The following RBFOX1 variants were observed in gnomAD, a reference collection of about 807,000 sequenced individuals.
RBFOX1 encodes RNA binding fox-1 homolog 1, also known as RNA binding protein fox-1 homolog 1.
A neutral mutation model predicts 57.7 loss-of-function variants in RBFOX1; 8 were observed. The ratio of observed to expected loss-of-function variants is 0.14; its 90% CI spans 0.08 to 0.25. RBFOX1 has a LOEUF of 0.25. Ranked by LOEUF, RBFOX1 falls within the 10% of genes least tolerant of loss-of-function variation. The pLI is 1.00. For missense variants in RBFOX1, 611 were observed against 548.5 expected, an observed-to-expected ratio of 1.11 and a Z score of -1.14; for synonymous variants, 326 against 222.4, an observed-to-expected ratio of 1.47 and a Z score of -4.15.
At chr16:5,830,487 G>A (rs1447233639) in intron 3 of RBFOX1, among the ~76,000 whole-genome samples, 1 of 152,044 alleles carries the variant, frequency 6.6e-6, no homozygotes, top group African/African-American at 2.4e-5. Context: ...GGCCGGGACT[G>A]TGGGGGCTGA....
At chr16:5,386,803 C>A (rs1476394303) in intron 1 of RBFOX1, among the ~76,000 whole-genome samples, 2 of 152,208 alleles carry the variant, frequency 1.3e-5, no homozygotes, top group Non-Finnish European at 2.9e-5. Flanking sequence ...GTAACCCCAG[C>A]ACTTTGGAAG....
rs534682119 is a variant in RBFOX1, at chr16:6,855,175, C to G, written c.-15-196882C>G. 2.0e-5 allele frequency among the ~76,000 whole-genome samples: 3 copies of G among 152,090 alleles called. No homozygotes were observed. The East Asian group carries it at 5.8e-4, about 30-fold the overall frequency. ...GTGTAGCTATACGTGTTCTGGTGAG[C>G]ATGATATCCCCAGTACCCAATATAG... On this transcript the variant is annotated intron_variant, in intron 3 of 15. Coordinates refer to ENST00000550418, the MANE Select transcript of RBFOX1 (RefSeq NM_018723.4).
At position 5,291,617 on chromosome 16, in the gene RBFOX1, T is replaced by C. The variant is rs542828339; in HGVS notation, c.219+51512T>C. On this transcript the variant is annotated intron_variant, in intron 1 of 2. Coordinates refer to the RBFOX1 transcript ENST00000585867. ...AGTGGGAGTCATTGAAAGTGAGTGA[T>C]CTGTTTGGATGCACCTTCTGAAGTG... is the stretch of plus-strand genomic sequence containing the variant. 8.5e-5 allele frequency among the ~76,000 whole-genome samples: 13 copies of C among 152,324 alleles called. 1 individual carries two copies. In the South Asian group the frequency reaches 2.7e-3, roughly 32 times the overall value.
At chr16:7,458,610 T>A (rs1291657118) in intron 4 of RBFOX1, among the ~76,000 whole-genome samples, 1 of 152,236 alleles carries the variant, frequency 6.6e-6, no homozygotes, top group Non-Finnish European at 1.5e-5. Flanking sequence ...TGCAAGCCCT[T>A]GAATATCATA....
At chr16:5,578,187 T>G (rs2046533555) in intron 2 of RBFOX1, among the ~76,000 whole-genome samples, 1 of 152,154 alleles carries the variant, frequency 6.6e-6, no homozygotes, top group African/African-American at 2.4e-5. Context: ...CTTGACCTCG[T>G]GATCCACCCA....
intron 10 of RBFOX1, among the ~76,000 whole-genome samples, chr16:7,623,149 T>C (rs1293674598): frequency 1.3e-5 from 2 of 152,164 alleles, no homozygotes; most frequent in Non-Finnish European, 2.9e-5. Context: ...AGTAGTTGGC[T>C]AGTGCTGCCA....
At chr16:6,387,421 G>A (rs1030485836) in intron 2 of RBFOX1, among the ~76,000 whole-genome samples, 1 of 149,694 alleles carries the variant, frequency 6.7e-6, no homozygotes, top group African/African-American at 2.5e-5. Context: ...GTATGTGCAA[G>A]TCTTGCTTGT....
At chr16:7,425,812 G>A (rs189572780) in intron 4 of RBFOX1, among the ~76,000 whole-genome samples, 95 of 152,146 alleles carry the variant, frequency 6.2e-4, no homozygotes, top group African/African-American at 2.2e-3. Flanking sequence ...TTTCCCTGAC[G>A]TGTAACAGTT....
At chr16:7,127,901 A>G (rs149661700) in intron 4 of RBFOX1, among the ~76,000 whole-genome samples, 104 of 152,296 alleles carry the variant, frequency 6.8e-4, no homozygotes, top group Middle Eastern at 3.4e-3. Flanking sequence ...CAGAGTCACA[A>G]TGCACCTGGT....
intron 3 of RBFOX1, among the ~76,000 whole-genome samples, chr16:6,870,830 T>C (rs2060737804): frequency 6.6e-6 from 1 of 152,232 alleles, no homozygotes; most frequent in Non-Finnish European, 1.5e-5. Flanking sequence ...TTATGACTTC[T>C]TGTCGCTCTG....
In RBFOX1 at chr16:5,582,136, A is replaced by C. The variant is rs567697010; in HGVS notation, c.259-16766A>C. Among the ~76,000 whole-genome samples, 264 of 152,308 alleles carry C rather than the reference A, an allele frequency of 1.7e-3. 1 individual carries two copies. The highest frequency in any genetic ancestry group is 3.3e-3 in the Non-Finnish European group (226 of 68,028). On this transcript the variant is annotated intron_variant, in intron 2 of 2. Transcript: ENST00000585867. ...AGGCAGGCAGTCTCGAGGGAGCCCTAATCCCAGGGACTTGTATTACTCTCG... is the reference window on the plus strand; with the variant it reads ...AGGCAGGCAGTCTCGAGGGAGCCCTCATCCCAGGGACTTGTATTACTCTCG...
rs529795739 is a variant in RBFOX1, at chr16:5,946,967, T to G, written c.351+79632T>G. On this transcript the variant is annotated intron_variant, in intron 4 of 19. Transcript: ENST00000641259. The surrounding 1 kb of genome is among the most constrained non-coding windows in gnomAD (Gnocchi z 4.6). ...TGGCTCACAGCCGTAATCCTAGCAC[T>G]TAGGGAGGCAGAAGTAGGAGGATTG... Among the ~76,000 whole-genome samples, 77 of 152,280 alleles carry G rather than the reference T, an allele frequency of 5.1e-4. No individual in the cohort carries two copies. Among genetic ancestry groups the G allele is most frequent in the African/African-American group, 1.6e-3 (68 of 41,564 alleles).
intron 1 of RBFOX1, among the ~76,000 whole-genome samples, chr16:5,316,451 G>A (rs1159696485): frequency 6.6e-6 from 1 of 152,104 alleles, no homozygotes; most frequent in African/African-American, 2.4e-5. Flanking sequence ...GCAGCTTGAG[G>A]CCAGAGGCTT....
Position 5,240,287 on chromosome 16 carries a change from C to T in RBFOX1, c.219+182C>T, listed in dbSNP as rs4786654. 9.1e-3 allele frequency among the ~76,000 whole-genome samples: 1,381 copies of T among 152,070 alleles called. 19 individuals are homozygous for T. Among genetic ancestry groups the T allele is most frequent in the Admixed American group, 0.044 (678 of 15,284 alleles). ...CTCCGAGACGCCAGCTGCCCCTTCT[C>T]GGCTGTGTGGCTTCGACTTCCTGAT... On this transcript the variant is annotated intron_variant, in intron 1 of 2. Transcript: ENST00000585867.
At chr16:7,177,039 C>T (rs1463936125) in intron 4 of RBFOX1, among the ~76,000 whole-genome samples, 1 of 152,118 alleles carries the variant, frequency 6.6e-6, no homozygotes, top group Admixed American at 6.5e-5. Flanking sequence ...AATTCAGGAA[C>T]CACCCCAGGT....
intron 2 of RBFOX1, among the ~76,000 whole-genome samples, chr16:6,471,790 C>T (rs766610944): frequency 3.9e-5 from 6 of 152,120 alleles, no homozygotes; most frequent in Admixed American, 6.5e-5. Context: ...CTGGCCATGT[C>T]TTGTGCAATC....
intron 3 of RBFOX1, among the ~76,000 whole-genome samples, chr16:5,793,236 G>T (rs999998036): frequency 6.6e-6 from 1 of 152,206 alleles, no homozygotes; most frequent in African/African-American, 2.4e-5. Flanking sequence ...TGTGCTGACC[G>T]GCTCCTTTTG....
At chr16:7,706,982 G>C (rs1392886274) in intron 14 of RBFOX1, among the ~76,000 whole-genome samples, 1 of 152,178 alleles carries the variant, frequency 6.6e-6, no homozygotes, top group African/African-American at 2.4e-5. Flanking sequence ...GATAATCGTT[G>C]ATTAAAGGCC....
In RBFOX1 at chr16:7,518,371, C is replaced by T. The variant is rs752506752; in HGVS notation, c.252C>T (p.Thr84=). 26 of 1,610,330 alleles carry T rather than the reference C, an allele frequency of 1.6e-5. No individual in the cohort carries two copies. In the Middle Eastern group the frequency reaches 8.2e-4, roughly 51 times the overall value. Residue 84 remains threonine, a synonymous_variant, in exon 5 of 16, where the codon ACC becomes ACT. Coordinates refer to ENST00000550418, the MANE Select transcript of RBFOX1 (RefSeq NM_018723.4). ...EQSPADTSAQ[T]VSGTATQTDD... ...GCCCGGCGGACACGAGCGCTCAGAC[C>T]GTCTCTGGCACCGCCACAGTAAGTG...
Sources: gnomAD v4.1 joint callset for allele counts (sites outside exome capture counted in the v4.1 genomes callset) on GRCh38, gnomAD v4.1.1 for gene constraint, Gnocchi (gnomAD v3.1) non-coding constraint, MANE v1.5 for transcripts, NCBI Gene and HGNC (gene_info 2026-07-23, HGNC 2026-07-21) for gene names.